ENOX1: variants seen among roughly 807,000 people sequenced by gnomAD.
The protein encoded by ENOX1 is ecto-NOX disulfide-thiol exchanger 1.
Under a neutral mutation model 82.5 loss-of-function variants are expected in ENOX1, and 42 were observed. The observed-to-expected ratio is 0.51, with a 90% CI of 0.40 to 0.66. The LOEUF (loss-of-function observed/expected upper bound fraction) is 0.66. Ranked by LOEUF, ENOX1 falls within the 30% of genes least tolerant of loss-of-function variation. The probability of loss-of-function intolerance (pLI) is 0.00; values close to 1 mark genes in which losing one functional copy is unlikely to be tolerated. For missense variants in ENOX1, 608 were observed against 811.6 expected (o/e 0.75, Z 3.05); for synonymous variants, 271 against 282.2 (o/e 0.96, Z 0.40).
chr13:43,218,061 A>T (rs1400483239), intron 16 of ENOX1, among the ~76,000 whole-genome samples: 1 of 152,200 alleles, frequency 6.6e-6, no homozygotes, highest in Non-Finnish European at 1.5e-5. Context: ...AGGCACAGAG[A>T]TGTTAAATAA....
At chr13:43,483,342 T>C (rs2058578260) in intron 3 of ENOX1, among the ~76,000 whole-genome samples, 1 of 152,220 alleles carries the variant, frequency 6.6e-6, no homozygotes, top group South Asian at 2.1e-4. Context: ...GTGTTTTACT[T>C]GGTACTATCT....
chr13:43,596,435 G>T (rs2081476898), intron 2 of ENOX1, among the ~76,000 whole-genome samples: 1 of 152,220 alleles, frequency 6.6e-6, no homozygotes, highest in Admixed American at 6.5e-5. Flanking sequence ...AATCCTGTGG[G>T]TAGGACAGAT....
rs552542847 is a variant in ENOX1, at chr13:43,415,821, C to T, written c.-74-2833G>A. ...GGCCGGGCAGAAGCGCTCCTCACTT[C>T]CCAGACGGGGTGGCCGGGCAGAGAC... On this transcript the variant is annotated intron_variant, in intron 3 of 16. Coordinates refer to ENST00000690772, the MANE Select transcript of ENOX1 (RefSeq NM_001347969.2). Among the ~76,000 whole-genome samples, 283 of 152,142 alleles carry T rather than the reference C, an allele frequency of 1.9e-3. 2 individuals carry two copies. Among genetic ancestry groups the T allele is most frequent in the Middle Eastern group, 0.014 (4 of 294 alleles).
intron 5 of ENOX1, among the ~76,000 whole-genome samples, chr13:43,375,698 A>T (rs969504847): frequency 6.6e-6 from 1 of 152,150 alleles, no homozygotes; most frequent in South Asian, 2.1e-4. Context: ...AAGCCACTGT[A>T]TCCCCAAAGC....
chr13:43,586,979 C>T (rs1365179402), intron 2 of ENOX1, among the ~76,000 whole-genome samples: 1 of 150,990 alleles, frequency 6.6e-6, no homozygotes, highest in African/African-American at 2.4e-5. Flanking sequence ...GAGGCTGAGG[C>T]AGGAGAATCA....
At position 43,413,267 on chromosome 13, in the gene ENOX1, T is replaced by C. The variant is rs528178047; in HGVS notation, c.-74-279A>G. ...TGAGTACCTCAAAGGCCTTGCTTCCTACTGAAGCACCTTCACAAATGGGGG... is the reference window on the plus strand; with the variant it reads ...TGAGTACCTCAAAGGCCTTGCTTCCCACTGAAGCACCTTCACAAATGGGGG... On this transcript the variant is annotated intron_variant, in intron 3 of 16. Transcript: ENST00000690772. Among the ~76,000 whole-genome samples, 3 of 152,316 alleles carry C rather than the reference T, an allele frequency of 2.0e-5. No homozygotes were observed. In the South Asian group the frequency reaches 6.2e-4, roughly 32 times the overall value.
intron 11 of ENOX1, among the ~76,000 whole-genome samples, chr13:43,303,471 G>A (rs1393943635): frequency 3.3e-5 from 5 of 152,300 alleles, no homozygotes; most frequent in African/African-American, 1.2e-4. Flanking sequence ...GAGCAGTGTT[G>A]CTCCTGAGAG....
chr13:43,714,185 C>T (rs1333499419), intron 1 of ENOX1, among the ~76,000 whole-genome samples: 2 of 152,048 alleles, frequency 1.3e-5, no homozygotes, highest in East Asian at 3.8e-4. Context: ...AGTAGTCATT[C>T]AGGAGCAGGT....
intron 2 of ENOX1, among the ~76,000 whole-genome samples, chr13:43,626,119 C>G (rs2082951151): frequency 1.3e-5 from 2 of 151,826 alleles, no homozygotes; most frequent in Admixed American, 1.3e-4. Context: ...TTGTCAAATT[C>G]ATGTCAGTGA....
intron 14 of ENOX1, among the ~76,000 whole-genome samples, chr13:43,240,998 A>G (rs756501157): frequency 1.8e-4 from 27 of 152,200 alleles, no homozygotes; most frequent in Non-Finnish European, 3.8e-4. Flanking sequence ...TGAGGTTATA[A>G]GATCCATGAG....
chr13:43,410,026 G>A (rs1347027966), intron 5 of ENOX1, among the ~76,000 whole-genome samples: 1 of 152,166 alleles, frequency 6.6e-6, no homozygotes, highest in Non-Finnish European at 1.5e-5. Flanking sequence ...AAGTAATTTG[G>A]GGCAGATACG....
intron 2 of ENOX1, among the ~76,000 whole-genome samples, chr13:43,486,164 C>T (rs9533510): frequency 0.41 from 62,724 of 152,100 alleles, 13,713 homozygotes; most frequent in Non-Finnish European, 0.5. Context: ...GATCCAAGAT[C>T]GTACCACTGC....
chr13:43,745,876 T>C (rs1949994568), intron 1 of ENOX1, among the ~76,000 whole-genome samples: 2 of 152,186 alleles, frequency 1.3e-5, no homozygotes, highest in South Asian at 4.1e-4. Flanking sequence ...GCTGCTGCCA[T>C]GTGAAGAAGG....
intron 5 of ENOX1, among the ~76,000 whole-genome samples, chr13:43,366,092 G>A (rs1242600016): frequency 6.6e-6 from 1 of 152,182 alleles, no homozygotes; most frequent in Admixed American, 6.5e-5. Flanking sequence ...CAATTGACAA[G>A]TCTTGTTGTT....
At chr13:43,355,872 C>T (rs1411855773) in intron 8 of ENOX1, 47 bp downstream of exon 8, 6 of 1,548,174 alleles carry the variant, frequency 3.9e-6, no homozygotes, top group Non-Finnish European at 5.3e-6. Flanking sequence ...GGTTCCGTGT[C>T]TGGGGATCCC....
intron 9 of ENOX1, among the ~76,000 whole-genome samples, chr13:43,342,755 G>A (rs187820818): frequency 9.2e-5 from 14 of 152,264 alleles, no homozygotes; most frequent in Non-Finnish European, 1.5e-4. Flanking sequence ...AAATCTCCAC[G>A]TCATTTTCCA....
At chr13:43,641,529 A>ATTTTTTTTTTTTTTTTTT (rs769737189) in intron 2 of ENOX1, among the ~76,000 whole-genome samples, 3 of 83,094 alleles carry the variant, frequency 3.6e-5, no homozygotes, top group Non-Finnish European at 6.2e-5. Flanking sequence ...TTAATTTTTA[A>ATTTTTTTTTTTTTTTTTT]TTTTTTTTTT....
intron 3 of ENOX1, among the ~76,000 whole-genome samples, chr13:43,439,382 A>G (rs2056232069): frequency 6.6e-6 from 1 of 151,602 alleles, no homozygotes; most frequent in South Asian, 2.1e-4. Context: ...TTGTATTTTT[A>G]ATAGAGACAG....
chr13:43,516,177 A>C (rs1230187053), intron 2 of ENOX1, among the ~76,000 whole-genome samples: 1 of 152,178 alleles, frequency 6.6e-6, no homozygotes, highest in East Asian at 1.9e-4. Context: ...GAATTTACCA[A>C]AAGTTTCTGA....
Sources: gnomAD v4.1 joint callset for allele counts (sites outside exome capture counted in the v4.1 genomes callset) on GRCh38, gnomAD v4.1.1 for gene constraint, MANE v1.5 for transcripts, NCBI Gene and HGNC (gene_info 2026-07-23, HGNC 2026-07-21) for gene names.